PAN3: variants seen among roughly 807,000 people sequenced by gnomAD.
PAN3 encodes the protein PAN2-PAN3 deadenylation complex subunit PAN3.
In PAN3, 19 loss-of-function variants were observed where a neutral mutation model predicts 96.2. That is an observed-to-expected ratio of 0.20 (90% CI 0.14 to 0.29). The LOEUF (loss-of-function observed/expected upper bound fraction) is 0.29, where lower values mean the gene tolerates loss of function less well. PAN3 is among the 10% of genes least tolerant of loss of function. PAN3 has a pLI of 1.00. For missense variants in PAN3, 882 were observed against 1,108.1 expected, an observed-to-expected ratio of 0.80 and a Z score of 2.90; for synonymous variants, 433 against 406.6, an observed-to-expected ratio of 1.06 and a Z score of -0.78.
rs537694851 is a variant in PAN3 at position 28,280,439 on chromosome 13, G to A, written c.2217G>A (p.Met739Ile). The change falls in exon 16 of 19, where the codon ATG becomes ATA. Residue 739 changes from methionine to isoleucine, a missense_variant. Around this residue, in one of 3 missense-constraint regions of PAN3, gnomAD observed 364 missense variants for 513.6 expected, o/e 0.71. Transcript: ENST00000380958. ...ATTTGTTGACTGACCAAAACAGGAT[G>A]CGAAGTGTAAATGACATCATGCCCA... ...ILYLLTDQNRMRSVNDIMPMI... is the reference protein window; with the variant it reads ...ILYLLTDQNRIRSVNDIMPMI... 3.5e-5 allele frequency: 56 copies of A among 1,611,796 alleles called. No individual in the cohort carries two copies. The highest frequency in any genetic ancestry group is 1.6e-4 in the Middle Eastern group (1 of 6,082).
chr13:28,187,512 T>G (rs1351139289), intron 4 of PAN3, among the ~76,000 whole-genome samples: 1 of 152,192 alleles, frequency 6.6e-6, no homozygotes, highest in Non-Finnish European at 1.5e-5. Flanking sequence ...CCAACTGATT[T>G]TATTTTTGGT....
At chr13:28,215,447 T>A (rs1008688755) in intron 5 of PAN3, 2 of 696,596 alleles carry the variant, frequency 2.9e-6, no homozygotes, top group Admixed American at 2.1e-5. Context: ...TTCAATGTTA[T>A]GAATGTGTCT....
chr13:28,173,924 C>T (rs1447528559), intron 1 of PAN3, among the ~76,000 whole-genome samples: 1 of 152,128 alleles, frequency 6.6e-6, no homozygotes, highest in East Asian at 1.9e-4. Flanking sequence ...GTTTACCATC[C>T]AGTGATTCAC....
intron 12 of PAN3, among the ~76,000 whole-genome samples, chr13:28,269,121 T>C (rs2138660894): frequency 6.6e-6 from 1 of 152,312 alleles, no homozygotes; most frequent in African/African-American, 2.4e-5. Flanking sequence ...TAGTGGCCTC[T>C]TCTGACTGAA....
At chr13:28,190,740 G>A (rs893854740) in intron 4 of PAN3, among the ~76,000 whole-genome samples, 4 of 152,242 alleles carry the variant, frequency 2.6e-5, no homozygotes, top group East Asian at 1.9e-4. Context: ...ATCAGATCTC[G>A]TGAGAATTCA....
chr13:28,231,715 A>G (rs1882574205), intron 6 of PAN3, among the ~76,000 whole-genome samples: 1 of 152,194 alleles, frequency 6.6e-6, no homozygotes, highest in South Asian at 2.1e-4. Context: ...TCTAGGCAAC[A>G]CAGCATGACC....
intron 5 of PAN3, among the ~76,000 whole-genome samples, chr13:28,218,086 A>G (rs1236659585): frequency 6.6e-6 from 1 of 152,014 alleles, no homozygotes; most frequent in Non-Finnish European, 1.5e-5. Flanking sequence ...TACCTATGCT[A>G]TTTTTAATAG....
intron 6 of PAN3, among the ~76,000 whole-genome samples, chr13:28,229,791 G>A (rs993890512): frequency 6.6e-6 from 1 of 152,128 alleles, no homozygotes; most frequent in African/African-American, 2.4e-5. Context: ...ATCACCTAGA[G>A]GCTTGTTAAA....
At chr13:28,148,838 C>T (rs1445144471) in intron 1 of PAN3, among the ~76,000 whole-genome samples, 1 of 152,030 alleles carries the variant, frequency 6.6e-6, no homozygotes, top group Non-Finnish European at 1.5e-5. Context: ...CTACTTTATT[C>T]TTTCTCGTGG....
At chr13:28,165,185 C>T (rs1279858801) in intron 1 of PAN3, among the ~76,000 whole-genome samples, 4 of 152,082 alleles carry the variant, frequency 2.6e-5, no homozygotes, top group African/African-American at 7.2e-5. Context: ...GGATTACAGG[C>T]GTGAGCTAAT....
At chr13:28,158,706 G>A (rs111388381) in intron 1 of PAN3, among the ~76,000 whole-genome samples, 2,946 of 152,152 alleles carry the variant, frequency 0.019, 109 homozygotes, top group African/African-American at 0.067. Context: ...GTGAAACCCC[G>A]TCTCTACTAA....
In PAN3 at chr13:28,293,384, C is replaced by A. The variant is rs533504613; in HGVS notation, c.*862C>A. ...ATTACTTTAGGTTCTTTCCAGTTTGCTGGTTTTTTTTTTTTTTTTTTTTTT... is the reference window on the plus strand; with the variant it reads ...ATTACTTTAGGTTCTTTCCAGTTTGATGGTTTTTTTTTTTTTTTTTTTTTT... On this transcript the variant is annotated 3_prime_UTR_variant, in exon 19 of 19. Transcript: ENST00000380958. 7.4e-5 allele frequency: 3 copies of A among 40,450 alleles called. No individual in the cohort carries two copies. The highest frequency in any genetic ancestry group is 9.0e-5 in the Non-Finnish European group (2 of 22,212). 2.5% of individuals were successfully genotyped at this position (40,450 alleles called of 1,614,324 possible).
At chr13:28,257,706 T>TTATATATAATTAATATATATTATATATAA (rs2138594755) in intron 7 of PAN3, among the ~76,000 whole-genome samples, 1 of 139,972 alleles carries the variant, frequency 7.1e-6, no homozygotes, top group African/African-American at 2.6e-5. Context: ...ATATTATATA[T>TTATATATAATTAATATATATTATATATAA]ATTATATATA....
chr13:28,223,205 A>G (rs1566201886), intron 6 of PAN3, among the ~76,000 whole-genome samples: 1 of 152,226 alleles, frequency 6.6e-6, no homozygotes, highest in Non-Finnish European at 1.5e-5. Context: ...AACTTTATAC[A>G]AATATTTGAA....
intron 5 of PAN3, chr13:28,215,580 G>C (rs1403882747): frequency 6.5e-6 from 5 of 764,768 alleles, no homozygotes; most frequent in Non-Finnish European, 1.1e-5. Flanking sequence ...TGCTGTCTAT[G>C]CCCTTGTACT....
intron 1 of PAN3, among the ~76,000 whole-genome samples, chr13:28,158,603 C>T (rs1392171131): frequency 1.3e-5 from 2 of 152,172 alleles, no homozygotes; most frequent in African/African-American, 4.8e-5. Flanking sequence ...ATTGGCTGGG[C>T]GTGGTGGCTC....
chr13:28,276,630 G>A (rs554207494), intron 14 of PAN3, among the ~76,000 whole-genome samples: 218 of 152,138 alleles, frequency 1.4e-3, no homozygotes, highest in Non-Finnish European at 2.7e-3. Flanking sequence ...TAGTCTATTT[G>A]GAAACAAAGA....
At position 28,294,715 on chromosome 13, in the gene PAN3, C is replaced by T. The variant is rs1006086159; in HGVS notation, c.*2193C>T. On this transcript the variant is annotated 3_prime_UTR_variant, in exon 19 of 19. Coordinates refer to ENST00000380958, the MANE Select transcript of PAN3 (RefSeq NM_175854.8). ...CCTAAATGCTAGTTTGCTTCAGCCC[C>T]TAGTTAACCTCAGGACTTGGTTTGC... The T allele has an allele frequency of 1.3e-5, 2 of 152,690 alleles. No homozygotes were observed. The highest frequency in any genetic ancestry group is 6.5e-5 in the Admixed American group (1 of 15,298). The allele number at this position is 152,690 out of a possible 1,614,324, so 9.5% of individuals were successfully genotyped here. A position where few individuals can be genotyped will look rare whatever the true frequency, so the allele number is the denominator to read the frequency against.
At chr13:28,204,807 G>T (rs1204234027) in intron 5 of PAN3, among the ~76,000 whole-genome samples, 1 of 152,052 alleles carries the variant, frequency 6.6e-6, no homozygotes, top group African/African-American at 2.4e-5. Flanking sequence ...CGCTAATTTT[G>T]TCTCAGACTT....
Sources: allele counts gnomAD v4.1 joint callset (sites outside exome capture counted in the v4.1 genomes callset), GRCh38; gene constraint gnomAD v4.1.1; regional missense constraint gnomAD v4.1.1; transcripts MANE v1.5; gene names NCBI Gene and HGNC (gene_info 2026-07-23, HGNC 2026-07-21).